Variants in ODAD2 observed in about 807,000 individuals in gnomAD.
ODAD2 encodes the protein outer dynein arm docking complex subunit 2, also known as outer dynein arm-docking complex subunit 2.
In ODAD2, 89 loss-of-function variants were observed where a neutral mutation model predicts 106.8. The observed-to-expected ratio is 0.83, with a 90% CI of 0.70 to 0.99. The LOEUF (loss-of-function observed/expected upper bound fraction) is 0.99. ODAD2 is among the 50% of genes least tolerant of loss of function. The probability of loss-of-function intolerance (pLI) is 0.00; values close to 1 mark genes in which losing one functional copy is unlikely to be tolerated. For missense variants in ODAD2, 1,168 were observed against 1,238.5 expected, an observed-to-expected ratio of 0.94 and a Z score of 0.85; for synonymous variants, 404 against 436.2, an observed-to-expected ratio of 0.93 and a Z score of 0.92.
intron 19 of ODAD2, among the ~76,000 whole-genome samples, chr10:27,836,724 G>GA (rs1011560255): frequency 1.3e-5 from 2 of 151,946 alleles, no homozygotes; most frequent in African/African-American, 4.8e-5. Flanking sequence ...CAAGGAATAC[G>GA]AAAAATACAC....
chr10:27,828,930 A>G (rs967172592), intron 19 of ODAD2, among the ~76,000 whole-genome samples: 2 of 152,184 alleles, frequency 1.3e-5, no homozygotes, highest in Non-Finnish European at 2.9e-5. Flanking sequence ...ATAAGTTCCT[A>G]ATGTTATGTT....
In ODAD2 at chr10:27,932,917, T is replaced by C. The variant is rs140694082; in HGVS notation, c.2495+2093A>G. ...TGTTTGGTTACCATTATAAATCCAG[T>C]GGCTAGCACAAAAGATGCTCAATAA... On this transcript the variant is annotated intron_variant, in intron 16 of 19. Coordinates refer to ENST00000305242, the MANE Select transcript of ODAD2 (RefSeq NM_018076.5). 6.9e-3 allele frequency among the ~76,000 whole-genome samples: 1,057 copies of C among 152,246 alleles called. 17 individuals are homozygous for C. Among genetic ancestry groups the C allele is most frequent in the African/African-American group, 0.024 (992 of 41,552 alleles).
At chr10:27,902,080 A>G (rs1307141676) in intron 17 of ODAD2, among the ~76,000 whole-genome samples, 1 of 152,224 alleles carries the variant, frequency 6.6e-6, no homozygotes, top group African/African-American at 2.4e-5. Context: ...AGCAAATGCA[A>G]AAGAACAGAA....
At chr10:27,927,566 C>T (rs562234119) in intron 16 of ODAD2, among the ~76,000 whole-genome samples, 164 of 152,226 alleles carry the variant, frequency 1.1e-3, no homozygotes, top group Non-Finnish European at 4.0e-4. Flanking sequence ...TAAAAACACA[C>T]GTGGGACGCC....
intron 16 of ODAD2, among the ~76,000 whole-genome samples, chr10:27,914,544 A>T (rs116437165): frequency 0.014 from 2,097 of 152,200 alleles, 48 homozygotes; most frequent in African/African-American, 0.048. Flanking sequence ...TCTTTCATTA[A>T]CTAGAGCTCA....
intron 16 of ODAD2, among the ~76,000 whole-genome samples, chr10:27,930,332 G>A (rs936722992): frequency 2.6e-5 from 4 of 152,002 alleles, no homozygotes; most frequent in Admixed American, 6.6e-5. Context: ...ACTGCTTGAG[G>A]GCAGGAGCTT....
intron 17 of ODAD2, among the ~76,000 whole-genome samples, chr10:27,871,227 T>A (rs188663670): frequency 1.9e-4 from 29 of 152,336 alleles, no homozygotes; most frequent in African/African-American, 7.0e-4. Context: ...CTAAATTTGT[T>A]TGAGTTCTTT....
intron 16 of ODAD2, among the ~76,000 whole-genome samples, chr10:27,932,317 T>C (rs184943268): frequency 1.8e-3 from 281 of 152,294 alleles, no homozygotes; most frequent in Admixed American, 4.7e-3. Flanking sequence ...TTGAATACTG[T>C]ACTGAAATTG....
intron 19 of ODAD2, among the ~76,000 whole-genome samples, chr10:27,822,079 T>A (rs1375809205): frequency 6.6e-6 from 1 of 152,212 alleles, no homozygotes; most frequent in African/African-American, 2.4e-5. Context: ...TAGATTGGGT[T>A]AACACCAATG....
At chr10:27,827,606 CT>C (rs1424690584) in intron 19 of ODAD2, among the ~76,000 whole-genome samples, 1 of 151,990 alleles carries the variant, frequency 6.6e-6, no homozygotes, top group Non-Finnish European at 1.5e-5. Flanking sequence ...CTTGTTTTTA[CT>C]TGTCAATTAT....
At chr10:27,860,501 T>C in intron 19 of ODAD2, 124 bp downstream of exon 19, 3 of 817,408 alleles carry the variant, frequency 3.7e-6, no homozygotes, top group Non-Finnish European at 5.8e-6. Flanking sequence ...GCAGCCATGA[T>C]GCAGCAGGCA....
At position 27,850,444 on chromosome 10, in the gene ODAD2, C is replaced by CAAAAAAA. The variant is rs10713871; in HGVS notation, c.3021+10174_3021+10180dup. Among the ~76,000 whole-genome samples the CAAAAAAA allele has an allele frequency of 4.5e-5, 4 of 89,582 alleles. 1 individual carries two copies. Among genetic ancestry groups the CAAAAAAA allele is most frequent in the African/African-American group, 8.8e-5 (2 of 22,788 alleles). The allele number at this position is 89,582 out of a possible 152,430, so 58.8% of individuals were successfully genotyped here. A position where few individuals can be genotyped will look rare whatever the true frequency, so the allele number is the denominator to read the frequency against. On this transcript the variant is annotated intron_variant, in intron 19 of 19. Coordinates refer to ENST00000305242, the MANE Select transcript of ODAD2 (RefSeq NM_018076.5). ...TGGGCGACAGAGCGAGACTCCGTCT[C>CAAAAAAA]AAAAAAAAAAAAAAAAAAAAAAGAA...
chr10:27,839,391 G>A (rs1671999118), intron 19 of ODAD2, among the ~76,000 whole-genome samples: 1 of 152,126 alleles, frequency 6.6e-6, no homozygotes, highest in Non-Finnish European at 1.5e-5. Flanking sequence ...ATGACTTTTT[G>A]TTTTCAGATT....
chr10:27,872,742 G>A (rs10047834), intron 17 of ODAD2, among the ~76,000 whole-genome samples: 2 of 152,188 alleles, frequency 1.3e-5, no homozygotes, highest in African/African-American at 4.8e-5. Flanking sequence ...TTGATGTGCT[G>A]CTGGATTCAG....
chr10:27,927,110 T>G (rs934838782), intron 16 of ODAD2, among the ~76,000 whole-genome samples: 1 of 152,102 alleles, frequency 6.6e-6, no homozygotes, highest in Non-Finnish European at 1.5e-5. Context: ...TCAATAGAGT[T>G]TTACAAAATC....
At chr10:27,860,331 T>C (rs1224057900) in intron 19 of ODAD2, among the ~76,000 whole-genome samples, 1 of 152,140 alleles carries the variant, frequency 6.6e-6, no homozygotes, top group African/African-American at 2.4e-5. Context: ...CATGCACCTG[T>C]AGTCCTGGCT....
At chr10:27,911,200 T>C (rs1461318396) in intron 16 of ODAD2, among the ~76,000 whole-genome samples, 1 of 152,096 alleles carries the variant, frequency 6.6e-6, no homozygotes, top group Non-Finnish European at 1.5e-5. Context: ...GTGAAAAACG[T>C]GGCACTAAAC....
chr10:27,957,473 G>C (rs562762053), intron 10 of ODAD2: 26 of 152,314 alleles, frequency 1.7e-4, no homozygotes, highest in African/African-American at 6.0e-4. Context: ...TAGTAAGACA[G>C]ACAACCTGAA....
chr10:27,987,144 G>A (rs1588666422), intron 3 of ODAD2, among the ~76,000 whole-genome samples: 1 of 152,312 alleles, frequency 6.6e-6, no homozygotes, highest in East Asian at 1.9e-4. Flanking sequence ...CAGAAACCTA[G>A]AAACTTACCA....
Sources: allele counts gnomAD v4.1 joint callset (sites outside exome capture counted in the v4.1 genomes callset), GRCh38; gene constraint gnomAD v4.1.1; transcripts MANE v1.5; gene names NCBI Gene and HGNC (gene_info 2026-07-23, HGNC 2026-07-21).